Variants in ALDH6A1 observed in about 807,000 individuals in gnomAD.
ALDH6A1 encodes methylmalonate-semialdehyde/malonate-semialdehyde dehydrogenase [acylating], mitochondrial.
ALDH6A1 carries 43 observed loss-of-function variants against 62.6 expected under a neutral mutation model. The ratio of observed to expected loss-of-function variants is 0.69; its 90% confidence interval spans 0.54 to 0.89. The LOEUF (loss-of-function observed/expected upper bound fraction) is 0.89. Among genes scored for constraint, ALDH6A1 ranks in the 40% least tolerant of loss-of-function variants. ALDH6A1 has a pLI of 0.00. For synonymous variants in ALDH6A1, 194 were observed against 234.2 expected (o/e 0.83, Z 1.57); for missense variants, 551 against 661.3 (o/e 0.83, Z 1.83).
At chr14:74,078,110 G>GCTATTC (rs1477983610) in intron 1 of ALDH6A1, 1 of 440,874 alleles carries the variant, frequency 2.3e-6, no homozygotes, top group African/African-American at 2.0e-5. Flanking sequence ...TTCACTCTTT[G>GCTATTC]CTATTCCACA....
Position 74,068,897 on chromosome 14 carries a change from C to T in ALDH6A1, c.815G>A (p.Arg272Lys). The change falls in exon 7 of 12, where the codon AGA (arginine) becomes AAA (lysine). Residue 272 changes from arginine (R) to lysine (K), a missense_variant. Arg to Lys is a conservative substitution (Grantham distance 26, BLOSUM62 2). Coordinates refer to ENST00000553458, the MANE Select transcript of ALDH6A1 (RefSeq NM_005589.4). ...AACCCTCTTGCCATGTCTTGATCCT[C>T]TCTCGAAGATATACTCTCCTGCCTT... is the stretch of plus-strand genomic sequence containing the variant. ...SNKAGEYIFERGSRHGKRVQA... is the reference protein window; with the variant it reads ...SNKAGEYIFEKGSRHGKRVQA... 1.9e-6 allele frequency: 3 copies of T among 1,614,058 alleles called. No individual in the cohort carries two copies. The highest frequency in any genetic ancestry group is 2.5e-6 in the Non-Finnish European group (3 of 1,179,970).
In ALDH6A1 at chr14:74,057,123, G is replaced by C. The variant is rs749097857; in HGVS notation, c.*3519C>G. ...TGTGTGTAGAGTTGTTGACGGTTCT[G>C]TTATTTTGTCATTATTGCAGGGATG... On this transcript the variant is annotated 3_prime_UTR_variant, in exon 12 of 12. Coordinates refer to ENST00000553458, the MANE Select transcript of ALDH6A1 (RefSeq NM_005589.4). 1.9e-6 allele frequency: 3 copies of C among 1,605,832 alleles called. No individual in the cohort carries two copies. The Admixed American group carries it at 5.1e-5, about 27-fold the overall frequency.
At chr14:74,077,555 G>A (rs991807391) in intron 1 of ALDH6A1, among the ~76,000 whole-genome samples, 6 of 152,102 alleles carry the variant, frequency 3.9e-5, no homozygotes, top group Non-Finnish European at 8.8e-5. Context: ...AAAACTGGGG[G>A]GGTATCCTGG....
In ALDH6A1 at chr14:74,071,780, A is replaced by G. The variant is rs2060552613; in HGVS notation, c.427+116T>C. ...CCATTTTTCACAAGTATTAAAAAAGATATCATGGGATGGCAAAATCTATGT... is the reference window on the plus strand; with the variant it reads ...CCATTTTTCACAAGTATTAAAAAAGGTATCATGGGATGGCAAAATCTATGT... On this transcript the variant is annotated intron_variant, in intron 5 of 11. Transcript: ENST00000553458. 1.6e-5 allele frequency: 24 copies of G among 1,472,272 alleles called. No homozygotes were observed. In the Middle Eastern group the frequency reaches 8.8e-4, roughly 54 times the overall value. 91.2% of individuals were successfully genotyped at this position (1,472,272 alleles called of 1,614,324 possible). A position where few individuals can be genotyped will look rare whatever the true frequency, so the allele number is the denominator to read the frequency against.
At chr14:74,076,714 T>C (rs2060617285) in intron 1 of ALDH6A1, among the ~76,000 whole-genome samples, 1 of 151,584 alleles carries the variant, frequency 6.6e-6, no homozygotes, top group South Asian at 2.1e-4. Context: ...TTTTATTTTA[T>C]TTTTTTTGTA....
At chr14:74,077,735 C>T (rs2060628084) in intron 1 of ALDH6A1, among the ~76,000 whole-genome samples, 1 of 152,176 alleles carries the variant, frequency 6.6e-6, no homozygotes, top group Non-Finnish European at 1.5e-5. Context: ...GATTAAATTT[C>T]AACATGAGTT....
At chr14:74,081,702 C>G (rs2060669272) in intron 1 of ALDH6A1, among the ~76,000 whole-genome samples, 1 of 152,154 alleles carries the variant, frequency 6.6e-6, no homozygotes, top group African/African-American at 2.4e-5. Flanking sequence ...TTGGCTCTTT[C>G]CCTAGGTCCC....
chr14:74,077,242 C>G (rs62005135), intron 1 of ALDH6A1, among the ~76,000 whole-genome samples: 36,649 of 152,078 alleles, frequency 0.24, 4,990 homozygotes, highest in South Asian at 0.46. Flanking sequence ...GAAGCCCATT[C>G]CTGTCTGCTT....
At chr14:74,074,846 T>C in intron 2 of ALDH6A1, 109 bp downstream of exon 2, 1 of 1,168,568 alleles carries the variant, frequency 8.6e-7, no homozygotes, top group Non-Finnish European at 1.3e-6. Context: ...AGGAAAAAAC[T>C]AGAAAGTTTC....
At chr14:74,070,098 C>T (rs1030443831) in intron 6 of ALDH6A1, among the ~76,000 whole-genome samples, 6 of 152,088 alleles carry the variant, frequency 3.9e-5, no homozygotes, top group African/African-American at 1.4e-4. Flanking sequence ...GCCTTCACCT[C>T]CCAAAGTGCT....
Position 74,072,563 on chromosome 14 carries a change from C to T in ALDH6A1, c.160G>A (p.Asp54Asn). The part of the protein sequence containing the change: ...IGGKFVESKS[D>N]KWIDIHNPAT... ...GGGTTGTGGATATCGATCCATTTGTCACTTTTGGATTCAACGAATTTCCCA... is the reference window on the plus strand; with the variant it reads ...GGGTTGTGGATATCGATCCATTTGTTACTTTTGGATTCAACGAATTTCCCA... The change falls in exon 3 of 12, where the codon GAC (aspartate) becomes AAC (asparagine). Residue 54 changes from aspartate (D) to asparagine (N), a missense_variant. Asp to Asn is a conservative substitution (Grantham distance 23, BLOSUM62 1). Coordinates refer to ENST00000553458, the MANE Select transcript of ALDH6A1 (RefSeq NM_005589.4). 1 of 1,614,090 alleles carries T rather than the reference C, an allele frequency of 6.2e-7. No homozygotes were observed. Among genetic ancestry groups the T allele is most frequent in the East Asian group, 2.2e-5 (1 of 44,884 alleles).
intron 8 of ALDH6A1, 58 bp from the exon 9 acceptor site, chr14:74,066,944 C>T (rs2060476592): frequency 3.9e-6 from 6 of 1,525,794 alleles, no homozygotes; most frequent in East Asian, 4.5e-5. Flanking sequence ...TGACTGCTGC[C>T]AGGGCTCATG....
At position 74,065,218 on chromosome 14, in the gene ALDH6A1, G is replaced by C. The variant is rs1450028746; in HGVS notation, c.1367C>G (p.Thr456Ser). ...GTAIFTTNGA[T>S]ARKYAHLVDV... ...CACCAAGTGGGCATATTTCCGAGCAGTGGCTCCATTGGTGGTGAAGATGGC... is the reference window on the plus strand; with the variant it reads ...CACCAAGTGGGCATATTTCCGAGCACTGGCTCCATTGGTGGTGAAGATGGC... The change falls in exon 10 of 12, where the codon ACT becomes AGT. Residue 456 changes from threonine (T) to serine (S), a missense_variant. Thr to Ser is a moderately conservative substitution (Grantham distance 58). Transcript: ENST00000553458. 1 of 1,614,164 alleles carries C rather than the reference G, an allele frequency of 6.2e-7. No individual in the cohort carries two copies. The highest frequency in any genetic ancestry group is 8.5e-7 in the Non-Finnish European group (1 of 1,180,022).
intron 1 of ALDH6A1, among the ~76,000 whole-genome samples, chr14:74,077,297 G>A (rs1290886437): frequency 6.6e-6 from 1 of 152,120 alleles, no homozygotes; most frequent in Non-Finnish European, 1.5e-5. Context: ...TCCTCTGAAA[G>A]CAGCCAATAC....
intron 1 of ALDH6A1, among the ~76,000 whole-genome samples, chr14:74,084,006 A>T (rs935362908): frequency 6.6e-6 from 1 of 152,166 alleles, no homozygotes; most frequent in Non-Finnish European, 1.5e-5. Flanking sequence ...GCTGGTGCAG[A>T]GGTAAAAAGG....
At chr14:74,069,700 C>A (rs1454664463) in intron 6 of ALDH6A1, among the ~76,000 whole-genome samples, 1 of 151,914 alleles carries the variant, frequency 6.6e-6, no homozygotes, top group East Asian at 2.0e-4. Flanking sequence ...TTGCAGCGAG[C>A]CGAGATTGTG....
In ALDH6A1 at chr14:74,060,521, A is replaced by G. The variant is rs577889699; in HGVS notation, c.*121T>C. The G allele has an allele frequency of 3.7e-6, 3 of 800,960 alleles. No individual in the cohort carries two copies. The highest frequency in any genetic ancestry group is 1.9e-5 in the Admixed American group (1 of 51,748). 49.6% of individuals were successfully genotyped at this position (800,960 alleles called of 1,614,324 possible). A position where few individuals can be genotyped will look rare whatever the true frequency, so the allele number is the denominator to read the frequency against. ...TTGCGGGGGTTAATAGTCCTGAGGAAGATTTTAGTTACAATGTATTCCAAT... is the reference window on the plus strand; with the variant it reads ...TTGCGGGGGTTAATAGTCCTGAGGAGGATTTTAGTTACAATGTATTCCAAT... On this transcript the variant is annotated 3_prime_UTR_variant, in exon 12 of 12. Coordinates refer to ENST00000553458, the MANE Select transcript of ALDH6A1 (RefSeq NM_005589.4).
At chr14:74,075,242 A>T (rs76384931) in intron 1 of ALDH6A1, among the ~76,000 whole-genome samples, 2,846 of 152,140 alleles carry the variant, frequency 0.019, 57 homozygotes, top group African/African-American at 0.051. Context: ...AGTACTGATT[A>T]AAAAAAATCT....
Position 74,071,327 on chromosome 14 carries a change from T to C in ALDH6A1, c.598A>G (p.Met200Val), listed in dbSNP as rs376584594. 8.7e-6 allele frequency: 14 copies of C among 1,614,050 alleles called. No individual in the cohort carries two copies. The highest frequency in any genetic ancestry group is 1.1e-5 in the Non-Finnish European group (13 of 1,180,050). Reference protein sequence around the residue: ...MIPLWMFPMAMVCGNTFLMKP... With the variant: ...MIPLWMFPMAVVCGNTFLMKP... ...ATTAGGAAGGTATTTCCACACACCA[T>C]GGCCATGGGAAACATCCAAAGGGGG... Residue 200 changes from methionine (M) to valine (V), a missense_variant, in exon 6 of 12, where the codon ATG (methionine) becomes GTG (valine). Coordinates refer to ENST00000553458, the MANE Select transcript of ALDH6A1 (RefSeq NM_005589.4).
Sources: gnomAD v4.1 joint callset for allele counts (sites outside exome capture counted in the v4.1 genomes callset) on GRCh38, gnomAD v4.1.1 for gene constraint, MANE v1.5 for transcripts, NCBI Gene and HGNC (gene_info 2026-07-23, HGNC 2026-07-21) for gene names.